Variants in ANXA4 observed in about 807,000 individuals in gnomAD.
ANXA4 encodes 35-beta calcimedin.
Under a neutral mutation model 49.8 loss-of-function variants are expected in ANXA4, and 39 were observed. The observed-to-expected ratio is 0.78, with a 90% CI of 0.61 to 1.02. The LOEUF (loss-of-function observed/expected upper bound fraction) is 1.02. Among genes scored for constraint, ANXA4 ranks in the 50% least tolerant of loss-of-function variants. The pLI is 0.00. For missense variants in ANXA4, 360 were observed against 410.1 expected (o/e 0.88, Z 1.05); for synonymous variants, 134 against 152.5 (o/e 0.88, Z 0.89).
chr2:69,762,433 A>AC, intron 1 of ANXA4, among the ~76,000 whole-genome samples: 1 of 150,920 alleles, frequency 6.6e-6, no homozygotes, highest in South Asian at 2.1e-4. Flanking sequence ...CTTTAGTGCC[A>AC]CCACGTGCAC....
intron 1 of ANXA4, among the ~76,000 whole-genome samples, chr2:69,762,856 C>T (rs1456156398): frequency 1.1e-5 from 1 of 92,444 alleles, no homozygotes; most frequent in Non-Finnish European, 2.0e-5. Context: ...TAAACACACA[C>T]ACTCACTCAC....
At chr2:69,671,772 A>G (rs1449302419) in intron 2 of ANXA4, among the ~76,000 whole-genome samples, 2 of 152,182 alleles carry the variant, frequency 1.3e-5, no homozygotes, top group African/African-American at 4.8e-5. Flanking sequence ...AGTACACAAA[A>G]AAGATGCTTG....
chr2:69,774,882 T>C (rs963007994), intron 1 of ANXA4, among the ~76,000 whole-genome samples: 1 of 152,166 alleles, frequency 6.6e-6, no homozygotes, highest in African/African-American at 2.4e-5. Context: ...CTCTCAGGAA[T>C]AACCTCCTAT....
chr2:69,823,934 C>T (rs890480933), intron 12 of ANXA4, among the ~76,000 whole-genome samples: 1 of 152,098 alleles, frequency 6.6e-6, no homozygotes, highest in Admixed American at 6.5e-5. Flanking sequence ...TTAATCTAGG[C>T]CAGGTGCAGT....
At chr2:69,722,938 C>T (rs544891740) in intron 3 of ANXA4, among the ~76,000 whole-genome samples, 49 of 148,554 alleles carry the variant, frequency 3.3e-4, no homozygotes, top group African/African-American at 1.2e-3. Flanking sequence ...TTTGGGAGGC[C>T]GAGGTGGGCG....
intron 3 of ANXA4, among the ~76,000 whole-genome samples, chr2:69,726,698 A>G (rs1488637335): frequency 6.6e-6 from 1 of 152,208 alleles, no homozygotes; most frequent in East Asian, 1.9e-4. Flanking sequence ...TTAAAACCAT[A>G]GATGAATTGC....
At chr2:69,674,916 T>G (rs760419854) in intron 2 of ANXA4, among the ~76,000 whole-genome samples, 5 of 69,528 alleles carry the variant, frequency 7.2e-5, no homozygotes, top group South Asian at 5.0e-4. Context: ...ACATAAACTG[T>G]TTTTTTTTTT....
intron 2 of ANXA4, among the ~76,000 whole-genome samples, chr2:69,655,172 C>T (rs980889349): frequency 2.0e-4 from 31 of 152,128 alleles, no homozygotes; most frequent in Non-Finnish European, 8.8e-5. Flanking sequence ...CCAAAATTGA[C>T]AAATGGGATC....
chr2:69,757,977 AAAG>A (rs1420103783), intron 1 of ANXA4, among the ~76,000 whole-genome samples: 6 of 151,830 alleles, frequency 4.0e-5, no homozygotes, highest in Admixed American at 1.3e-4. Context: ...AAAAAAAAAA[AAAG>A]TACTGTCCAA....
chr2:69,747,686 T>C (rs1031804629), intron 1 of ANXA4, among the ~76,000 whole-genome samples: 1 of 152,192 alleles, frequency 6.6e-6, no homozygotes, highest in African/African-American at 2.4e-5. Context: ...CACAAAATTG[T>C]TACTTTTTTA....
intron 2 of ANXA4, among the ~76,000 whole-genome samples, chr2:69,696,471 A>G (rs1559087460): frequency 1.3e-5 from 2 of 152,218 alleles, no homozygotes; most frequent in African/African-American, 2.4e-5. Context: ...GTCATCCACG[A>G]GAGTTAAAAT....
chr2:69,766,074 T>C (rs1671481125), intron 1 of ANXA4, among the ~76,000 whole-genome samples: 1 of 152,182 alleles, frequency 6.6e-6, no homozygotes. Flanking sequence ...TGGATAATGC[T>C]TTTGTCAGAG....
chr2:69,668,149 A>G (rs1677012014), intron 2 of ANXA4, among the ~76,000 whole-genome samples: 1 of 152,200 alleles, frequency 6.6e-6, no homozygotes. Flanking sequence ...AATACTATGC[A>G]TGGACCGGTT....
At chr2:69,677,728 TTC>T (rs1302464160) in intron 2 of ANXA4, among the ~76,000 whole-genome samples, 2 of 152,162 alleles carry the variant, frequency 1.3e-5, no homozygotes, top group African/African-American at 4.8e-5. Flanking sequence ...CCCTCTGACC[TTC>T]TCCCTCCCTC....
chr2:69,710,217 C>T (rs1272511397), intron 2 of ANXA4, among the ~76,000 whole-genome samples: 1 of 151,974 alleles, frequency 6.6e-6, no homozygotes, highest in African/African-American at 2.4e-5. Context: ...GAACTCCTGA[C>T]CTTGTGATCT....
intron 2 of ANXA4, among the ~76,000 whole-genome samples, chr2:69,701,106 C>A (rs1003604656): frequency 1.1e-4 from 16 of 152,116 alleles, no homozygotes; most frequent in African/African-American, 3.9e-4. Flanking sequence ...AACTCCTGAC[C>A]TCAAGTGATC....
intron 3 of ANXA4, among the ~76,000 whole-genome samples, chr2:69,802,747 T>C (rs566896119): frequency 3.3e-5 from 5 of 151,856 alleles, no homozygotes; most frequent in African/African-American, 4.8e-5. Flanking sequence ...TTTGAGGATT[T>C]CAGCTTGGCT....
chr2:69,777,468 T>G (rs553386592), intron 1 of ANXA4, among the ~76,000 whole-genome samples: 7 of 152,322 alleles, frequency 4.6e-5, no homozygotes, highest in African/African-American at 1.4e-4. Flanking sequence ...GGGCTTGTTA[T>G]GAATAACAAA....
intron 1 of ANXA4, among the ~76,000 whole-genome samples, chr2:69,761,983 G>A (rs1671310291): frequency 6.6e-6 from 1 of 152,104 alleles, no homozygotes; most frequent in African/African-American, 2.4e-5. Context: ...TGTAATACTA[G>A]AAAAGATGCC....
Sources: allele counts gnomAD v4.1 joint callset (sites outside exome capture counted in the v4.1 genomes callset), GRCh38; gene constraint gnomAD v4.1.1; transcripts MANE v1.5; gene names NCBI Gene and HGNC (gene_info 2026-07-23, HGNC 2026-07-21).